FRMPD4: variants seen among roughly 807,000 people sequenced by gnomAD.
FRMPD4 encodes FERM and PDZ domain containing 4, also known as FERM and PDZ domain-containing protein 4.
In FRMPD4, 22 loss-of-function variants were observed where a neutral mutation model predicts 94.1. That is an observed-to-expected ratio of 0.23 (90% CI 0.17 to 0.33). The LOEUF (loss-of-function observed/expected upper bound fraction) is 0.33. Ranked by LOEUF, FRMPD4 falls within the 10% of genes least tolerant of loss-of-function variation. FRMPD4 has a pLI of 1.00. For missense variants in FRMPD4, 1,111 were observed against 1,339.9 expected (o/e 0.83, Z 2.67); for synonymous variants, 631 against 548.6 (o/e 1.15, Z -2.10).
At chrX:11,836,003 C>T (rs1302886329) in intron 1 of FRMPD4, among the ~76,000 whole-genome samples, 1 of 111,734 alleles carries the variant, frequency 8.9e-6, no homozygotes, top group Non-Finnish European at 1.9e-5. Context: ...CTCTGAGTCT[C>T]AAGCAAGCCT....
intron 1 of FRMPD4, among the ~76,000 whole-genome samples, chrX:12,429,392 T>C (rs1003777923): frequency 2.2e-4 from 25 of 111,489 alleles, no homozygotes; most frequent in African/African-American, 7.9e-4. Flanking sequence ...TTCAGCCTCT[T>C]GCCTCACTCT....
At chrX:12,139,053 C>T (rs2055648053) in intron 1 of FRMPD4, 41 bp downstream of exon 1, 3 of 1,039,924 alleles carry the variant, frequency 2.9e-6, no homozygotes, top group Non-Finnish European at 3.8e-6. Flanking sequence ...AGGGCCGCTG[C>T]CGCGGGCAAC....
chrX:12,445,970 C>G (rs1438210911), intron 1 of FRMPD4, among the ~76,000 whole-genome samples: 4 of 112,294 alleles, frequency 3.6e-5, no homozygotes, highest in African/African-American at 1.3e-4. Context: ...CTATTGTTTA[C>G]AAAATGAGAG....
intron 3 of FRMPD4, among the ~76,000 whole-genome samples, chrX:11,966,425 T>G (rs2054309834): frequency 9.0e-6 from 1 of 111,689 alleles, no homozygotes; most frequent in African/African-American, 3.3e-5. Context: ...GTTGGTGACT[T>G]GATCTTGGAC....
intron 2 of FRMPD4, among the ~76,000 whole-genome samples, chrX:11,876,039 C>T (rs2053783106): frequency 9.2e-6 from 1 of 108,996 alleles, no homozygotes. Flanking sequence ...CCATGCCCGG[C>T]TAATTTTTGT....
intron 5 of FRMPD4, among the ~76,000 whole-genome samples, chrX:12,678,040 A>G (rs2059918258): frequency 8.9e-6 from 1 of 112,194 alleles, no homozygotes; most frequent in African/African-American, 3.2e-5. Flanking sequence ...ATTTTGACCT[A>G]TTTCCTTCCA....
At chrX:12,459,610 T>C (rs2057371910) in intron 1 of FRMPD4, among the ~76,000 whole-genome samples, 1 of 111,941 alleles carries the variant, frequency 8.9e-6, no homozygotes, top group South Asian at 3.7e-4. Flanking sequence ...ATTTATCCAT[T>C]TTTTGTACGT....
intron 2 of FRMPD4, among the ~76,000 whole-genome samples, chrX:12,566,691 T>G (rs948382582): frequency 1.2e-4 from 13 of 112,025 alleles, no homozygotes; most frequent in African/African-American, 4.2e-4. Flanking sequence ...TCGAAACTAT[T>G]TATTTTGCTT....
rs750637624 is a variant in FRMPD4, at chrX:12,679,922, T to C, written c.469-3561T>C. Among the ~76,000 whole-genome samples the C allele has an allele frequency of 2.4e-4, 27 of 111,744 alleles. No homozygotes were observed. The South Asian group carries it at 3.1e-3, about 13-fold the overall frequency. ...AGCACCTCCCAAATCAGCTACCTGT[T>C]TGTGAATCCTTGTCTTAGGTCTGCA... On this transcript the variant is annotated intron_variant, in intron 5 of 16. Coordinates refer to ENST00000675598, the MANE Select transcript of FRMPD4 (RefSeq NM_001368397.1).
chrX:12,668,307 A>G (rs994640391), intron 4 of FRMPD4, among the ~76,000 whole-genome samples: 1 of 111,315 alleles, frequency 9.0e-6, no homozygotes, highest in African/African-American at 3.3e-5. Flanking sequence ...GACGAGAAAA[A>G]AAGAGAAGAA....
chrX:11,996,277 T>C (rs2054495900), intron 3 of FRMPD4, among the ~76,000 whole-genome samples: 1 of 112,192 alleles, frequency 8.9e-6, no homozygotes, highest in Non-Finnish European at 1.9e-5. Context: ...ATTGAAATAT[T>C]TGCTTCTGGA....
Position 12,325,794 on chromosome X carries a change from GA to G in FRMPD4, c.42-172885del, listed in dbSNP as rs746435114. On this transcript the variant is annotated intron_variant, in intron 1 of 16. Transcript: ENST00000675598. ...ATCTACATTTTAACAGGATTCCCAG[GA>G]GATTCATATGAGCCTTAAAGTTAGA... is the stretch of plus-strand genomic sequence containing the variant. 3.4e-3 allele frequency among the ~76,000 whole-genome samples: 380 copies of G among 112,056 alleles called. 3 individuals carry two copies. Among genetic ancestry groups the G allele is most frequent in the Non-Finnish European group, 4.1e-3 (216 of 53,204 alleles).
intron 1 of FRMPD4, among the ~76,000 whole-genome samples, chrX:12,474,697 A>G (rs2057569655): frequency 8.9e-6 from 1 of 112,018 alleles, no homozygotes; most frequent in African/African-American, 3.2e-5. Flanking sequence ...ATGCAAATAA[A>G]CTAGAAAATC....
chrX:12,417,452 A>G (rs774616487), intron 1 of FRMPD4, among the ~76,000 whole-genome samples: 2 of 107,365 alleles, frequency 1.9e-5, no homozygotes, highest in South Asian at 4.3e-4. Flanking sequence ...GGTGGCAGGC[A>G]CCTGTAATCC....
At position 12,694,294 on chromosome X, in the gene FRMPD4, C is replaced by T. The variant is rs754049381; in HGVS notation, c.814-41C>T. On this transcript the variant is annotated intron_variant, in intron 8 of 16. Coordinates refer to ENST00000675598, the MANE Select transcript of FRMPD4 (RefSeq NM_001368397.1). ...CAGTGTCCCTCAGCCATTTCTCAGT[C>T]AGCACTGAAGGGTTCTTGTGTGATT... The T allele has an allele frequency of 4.3e-6, 5 of 1,149,533 alleles. No individual in the cohort carries two copies. The Admixed American group carries it at 1.2e-4, about 26-fold the overall frequency. 94.7% of individuals were successfully genotyped at this position (1,149,533 alleles called of 1,213,427 possible). A position where few individuals can be genotyped will look rare whatever the true frequency, so the allele number is the denominator to read the frequency against.
At chrX:12,704,073 G>A (rs1300893077) in intron 10 of FRMPD4, among the ~76,000 whole-genome samples, 1 of 112,782 alleles carries the variant, frequency 8.9e-6, no homozygotes, top group Non-Finnish European at 1.9e-5. Context: ...AGATTCAGAA[G>A]TTGGTTGGAC....
At chrX:12,350,145 A>G (rs187130616) in intron 1 of FRMPD4, among the ~76,000 whole-genome samples, 4 of 111,780 alleles carry the variant, frequency 3.6e-5, no homozygotes, top group East Asian at 5.6e-4. Flanking sequence ...ATTATTATAT[A>G]TAATTATCAG....
At chrX:12,088,868 A>G (rs2055131886) in intron 3 of FRMPD4, among the ~76,000 whole-genome samples, 1 of 112,186 alleles carries the variant, frequency 8.9e-6, no homozygotes, top group South Asian at 3.7e-4. Flanking sequence ...TGATTGCACA[A>G]CTCAATGAAT....
chrX:12,678,240 G>A (rs747426092), intron 5 of FRMPD4, among the ~76,000 whole-genome samples: 10 of 112,158 alleles, frequency 8.9e-5, no homozygotes, highest in East Asian at 2.8e-4. Context: ...CTTTCACATC[G>A]TCTTTATTGT....
Sources: allele counts gnomAD v4.1 joint callset (sites outside exome capture counted in the v4.1 genomes callset), GRCh38; gene constraint gnomAD v4.1.1; transcripts MANE v1.5; gene names NCBI Gene and HGNC (gene_info 2026-07-23, HGNC 2026-07-21).